USP34: variants seen among roughly 807,000 people sequenced by gnomAD.
The protein encoded by USP34 is ubiquitin carboxyl-terminal hydrolase 34.
In USP34, 70 loss-of-function variants were observed where a neutral mutation model predicts 460.3. That is an observed-to-expected ratio of 0.15 (90% confidence interval 0.13 to 0.19). USP34 has a LOEUF of 0.19. Among genes scored for constraint, USP34 ranks in the 10% least tolerant of loss-of-function variants. The pLI, the probability that USP34 is intolerant of heterozygous loss-of-function variation, is 1.00. For synonymous variants in USP34, 1,647 were observed against 1,405.3 expected (o/e 1.17, Z -3.85); for missense variants, 3,985 against 4,236.2 (o/e 0.94, Z 1.65).
At chr2:61,452,560 G>A (rs1477596818) in intron 1 of USP34, among the ~76,000 whole-genome samples, 1 of 151,790 alleles carries the variant, frequency 6.6e-6, no homozygotes, top group Non-Finnish European at 1.5e-5. Flanking sequence ...CTCAGGTGGT[G>A]ATCCACCCGC....
intron 1 of USP34, among the ~76,000 whole-genome samples, chr2:61,458,681 A>C (rs894311034): frequency 2.5e-4 from 37 of 145,284 alleles, no homozygotes; most frequent in African/African-American, 8.4e-4. Flanking sequence ...AGGCTAAGTC[A>C]TGCAGAGCCT....
At chr2:61,347,528 C>T (rs1004313263) in intron 15 of USP34, among the ~76,000 whole-genome samples, 2 of 152,064 alleles carry the variant, frequency 1.3e-5, no homozygotes, top group African/African-American at 4.8e-5. Flanking sequence ...CGTGCACCAC[C>T]ATGCCCGGCT....
chr2:61,333,932 A>G lies in USP34; in HGVS notation c.2784T>C (p.Phe928=), dbSNP rs761214424. Residue 928 remains phenylalanine (F), a synonymous_variant, in exon 19 of 80, where the codon TTT becomes TTC. Coordinates refer to ENST00000398571, the MANE Select transcript of USP34 (RefSeq NM_014709.4). ...TGCTCCCAAACTGCTGAAAAGTACCAAATAGTTTTGGAAGAAGACGAAGTG... is the reference window on the plus strand; with the variant it reads ...TGCTCCCAAACTGCTGAAAAGTACCGAATAGTTTTGGAAGAAGACGAAGTG... ...VISLRLLPKL[F]GTFQQFGSSY... 1.3e-6 allele frequency: 2 copies of G among 1,598,820 alleles called. No individual in the cohort carries two copies. The highest frequency in any genetic ancestry group is 8.5e-7 in the Non-Finnish European group (1 of 1,172,454).
At chr2:61,405,436 A>G (rs149701949) in intron 3 of USP34, among the ~76,000 whole-genome samples, 1,602 of 152,208 alleles carry the variant, frequency 0.011, 11 homozygotes, top group Non-Finnish European at 0.017. Context: ...GAGTCATAAA[A>G]TAAGCATAGA....
intron 7 of USP34, among the ~76,000 whole-genome samples, chr2:61,379,103 A>G (rs1001655500): frequency 6.6e-6 from 1 of 152,118 alleles, no homozygotes; most frequent in Admixed American, 6.6e-5. Flanking sequence ...TCCACTCAAG[A>G]TTTAATTTAT....
At chr2:61,259,101 A>G (rs1688802168) in intron 44 of USP34, among the ~76,000 whole-genome samples, 1 of 152,000 alleles carries the variant, frequency 6.6e-6, no homozygotes, top group Admixed American at 6.6e-5. Flanking sequence ...TCTACTAAAA[A>G]TACAAAATTT....
intron 1 of USP34, among the ~76,000 whole-genome samples, chr2:61,470,363 T>G (rs1177571475): frequency 6.6e-6 from 1 of 151,984 alleles, no homozygotes; most frequent in East Asian, 1.9e-4. Flanking sequence ...ACTGCCTTCA[T>G]TAATTGACAC....
Position 61,301,338 on chromosome 2 carries a change from C to T in USP34, c.3918+16G>A, listed in dbSNP as rs377522922. ...AAACAGATCATTAAAACTCAAACCA[C>T]GTTTTATATATGTACCTGCATATCC... On this transcript the variant is annotated intron_variant, in intron 28 of 79. Transcript: ENST00000398571. The T allele has an allele frequency of 5.0e-5, 80 of 1,608,456 alleles. No homozygotes were observed. The African/African-American group carries it at 9.2e-4, about 19-fold the overall frequency.
At chr2:61,367,310 G>A (rs959197972) in intron 10 of USP34, among the ~76,000 whole-genome samples, 5 of 150,948 alleles carry the variant, frequency 3.3e-5, no homozygotes, top group East Asian at 1.9e-4. Context: ...GAGTGCGCGC[G>A]CACACACACA....
intron 24 of USP34, 24 bp downstream of exon 24, chr2:61,314,851 C>A (rs1304130952): frequency 6.2e-7 from 1 of 1,600,614 alleles, no homozygotes; most frequent in East Asian, 2.2e-5. Context: ...AATTACCTAT[C>A]AGACAATGTT....
chr2:61,445,976 CT>C (rs1171343654), intron 1 of USP34, among the ~76,000 whole-genome samples: 1 of 151,022 alleles, frequency 6.6e-6, no homozygotes. Context: ...TAGTCTGTAA[CT>C]TGGTGGGCAC....
At chr2:61,379,201 C>A (rs1692898488) in intron 7 of USP34, among the ~76,000 whole-genome samples, 1 of 152,132 alleles carries the variant, frequency 6.6e-6, no homozygotes, top group Non-Finnish European at 1.5e-5. Context: ...AGTGTGACTA[C>A]ACTACCAAAA....
At position 61,333,966 on chromosome 2, in the gene USP34, A is replaced by G; in HGVS notation, c.2750T>C (p.Val917Ala). ...TGGAAGAAGACGAAGTGAAATTACT[A>G]CTGATCTGAAACAGCAGAAACATTC... is the stretch of plus-strand genomic sequence containing the variant. The part of the protein sequence containing the change: ...CLENLGNNRS[V>A]VISLRLLPKL... The change falls in exon 19 of 80, where the codon GTA (valine) becomes GCA (alanine). Residue 917 changes from valine to alanine, a missense_variant. Val to Ala is a moderately conservative substitution (Grantham distance 64, BLOSUM62 0). This residue lies in a region of USP34 where 46 missense variants were observed against 83.1 expected (regional missense o/e 0.55). Transcript: ENST00000398571. The G allele has an allele frequency of 6.3e-7, 1 of 1,577,826 alleles. No individual in the cohort carries two copies. The highest frequency in any genetic ancestry group is 8.6e-7 in the Non-Finnish European group (1 of 1,164,670).
intron 33 of USP34, among the ~76,000 whole-genome samples, chr2:61,291,300 C>G (rs1159694244): frequency 6.6e-6 from 1 of 152,062 alleles, no homozygotes; most frequent in Non-Finnish European, 1.5e-5. Context: ...ACTAACAAGT[C>G]TTGGAAAGGA....
intron 43 of USP34, 38 bp downstream of exon 43, chr2:61,265,359 G>C (rs914323675): frequency 8.3e-6 from 13 of 1,567,562 alleles, no homozygotes; most frequent in South Asian, 4.9e-5. Flanking sequence ...TTAAAATCTG[G>C]TTTATAATTT....
chr2:61,459,708 C>T (rs948298712), intron 1 of USP34, among the ~76,000 whole-genome samples: 2 of 148,218 alleles, frequency 1.3e-5, no homozygotes, highest in Non-Finnish European at 3.0e-5. Flanking sequence ...ACCCGGGAGG[C>T]GAAGGCTGCA....
intron 53 of USP34, among the ~76,000 whole-genome samples, chr2:61,238,199 C>G (rs1232856321): frequency 6.6e-6 from 1 of 151,976 alleles, no homozygotes; most frequent in Non-Finnish European, 1.5e-5. Context: ...CCCAGCCTTA[C>G]CCTAGCTATT....
intron 10 of USP34, among the ~76,000 whole-genome samples, chr2:61,366,595 G>C (rs548718238): frequency 6.6e-6 from 1 of 152,156 alleles, no homozygotes; most frequent in South Asian, 2.1e-4. Context: ...AACCTGAAAT[G>C]AAAGCTTGAT....
At chr2:61,432,927 A>T (rs1694718690) in intron 1 of USP34, among the ~76,000 whole-genome samples, 2 of 152,214 alleles carry the variant, frequency 1.3e-5, no homozygotes, top group Non-Finnish European at 2.9e-5. Context: ...GAGAACAATA[A>T]AACAGAAGAT....
Sources: gnomAD v4.1 joint callset for allele counts (sites outside exome capture counted in the v4.1 genomes callset) on GRCh38, gnomAD v4.1.1 for gene constraint, gnomAD v4.1.1 regional missense constraint, MANE v1.5 for transcripts, NCBI Gene and HGNC (gene_info 2026-07-23, HGNC 2026-07-21) for gene names.